The following SSX2IP variants were observed in gnomAD, a reference collection of about 807,000 sequenced individuals.
SSX2IP encodes the protein SSX family member 2 interacting protein, also known as afadin- and alpha-actinin-binding protein.
In SSX2IP, 55 loss-of-function variants were observed where a neutral mutation model predicts 84.9. The ratio of observed to expected loss-of-function variants is 0.65; its 90% CI spans 0.52 to 0.81. SSX2IP has a LOEUF of 0.81. Ranked by LOEUF, SSX2IP falls within the 30% of genes least tolerant of loss-of-function variation. SSX2IP has a pLI of 0.00. For missense variants in SSX2IP, 664 were observed against 705.2 expected (o/e 0.94, Z 0.66); for synonymous variants, 239 against 234.7 (o/e 1.02, Z -0.17).
chr1:84,654,590 T>A (rs947049435), intron 11 of SSX2IP, among the ~76,000 whole-genome samples: 4 of 152,018 alleles, frequency 2.6e-5, no homozygotes, highest in Admixed American at 2.6e-4. Flanking sequence ...ATGAGCAACA[T>A]GGCAGCTGAA....
chr1:84,685,962 G>C (rs1022674296), intron 1 of SSX2IP, among the ~76,000 whole-genome samples: 3 of 152,166 alleles, frequency 2.0e-5, no homozygotes, highest in Non-Finnish European at 4.4e-5. Context: ...TGAATTTTAA[G>C]TATCTACTTT....
chr1:84,667,084 T>C (rs1403648326), intron 4 of SSX2IP, among the ~76,000 whole-genome samples: 1 of 152,090 alleles, frequency 6.6e-6, no homozygotes, highest in African/African-American at 2.4e-5. Flanking sequence ...TAAAACTTAC[T>C]ACTAGGGTAG....
At position 84,650,460 on chromosome 1, in the gene SSX2IP, A is replaced by G. The variant is rs1650054780; in HGVS notation, c.1572T>C (p.Asn524=). 12 of 1,614,100 alleles carry G rather than the reference A, an allele frequency of 7.4e-6. No individual in the cohort carries two copies. Among genetic ancestry groups the G allele is most frequent in the South Asian group, 1.1e-5 (1 of 91,096 alleles). The change falls in exon 13 of 14, where the codon AAT becomes AAC. Residue 524 remains asparagine (N), a synonymous_variant. Coordinates refer to ENST00000342203, the MANE Select transcript of SSX2IP (RefSeq NM_001166293.2). ...GTTTAGACATGCAAACTGGAGACCC[A>G]TTAGACACACTGTGAGGCTTCTTTT... ...QPQKKPHSVS[N]GSPVCMSKLT... is the part of the protein sequence containing the mutation.
At chr1:84,651,588 C>A (rs966377138) in intron 12 of SSX2IP, among the ~76,000 whole-genome samples, 1 of 151,466 alleles carries the variant, frequency 6.6e-6, no homozygotes, top group Non-Finnish European at 1.5e-5. Context: ...ATTAGCCAGG[C>A]GTGGTGGCAC....
chr1:84,669,917 A>G, intron 3 of SSX2IP, 24 bp from the exon 4 acceptor site: 3 of 1,589,212 alleles, frequency 1.9e-6, no homozygotes, highest in Non-Finnish European at 2.6e-6. Context: ...ATGTTTTCTT[A>G]AAGTTGGTTA....
chr1:84,684,790 A>G (rs1655559266), intron 1 of SSX2IP, among the ~76,000 whole-genome samples: 1 of 152,224 alleles, frequency 6.6e-6, no homozygotes, highest in Non-Finnish European at 1.5e-5. Flanking sequence ...AGTAATCAGA[A>G]AACTTCAGTG....
intron 1 of SSX2IP, among the ~76,000 whole-genome samples, chr1:84,676,718 C>CTTTTT (rs1491577246): frequency 1.1e-4 from 4 of 36,720 alleles, no homozygotes; most frequent in African/African-American, 3.0e-4. Context: ...GTGCTCTTTT[C>CTTTTT]CTTTTTTTTT....
intron 12 of SSX2IP, 56 bp from the exon 13 acceptor site, chr1:84,650,583 A>C: frequency 1.9e-6 from 3 of 1,578,784 alleles, no homozygotes; most frequent in Non-Finnish European, 2.6e-6. Flanking sequence ...CATTAAATAT[A>C]GTGAAGGTAA....
intron 1 of SSX2IP, among the ~76,000 whole-genome samples, chr1:84,679,693 T>C (rs1008454894): frequency 6.6e-6 from 1 of 152,026 alleles, no homozygotes. Context: ...TTTAACAGAG[T>C]AAGAGGTGGA....
chr1:84,659,661 G>C (rs12045905), intron 8 of SSX2IP, among the ~76,000 whole-genome samples: 26,057 of 151,660 alleles, frequency 0.17, 2,377 homozygotes, highest in Middle Eastern at 0.26. Flanking sequence ...AGTTGGGCGT[G>C]GTGGTGCATG....
At chr1:84,653,394 G>A (rs149892799) in intron 11 of SSX2IP, among the ~76,000 whole-genome samples, 329 of 152,216 alleles carry the variant, frequency 2.2e-3, no homozygotes, top group Middle Eastern at 0.014. Flanking sequence ...TCCCCCTTCT[G>A]AATAGCTGAT....
At chr1:84,669,301 G>A (rs1273012087) in intron 4 of SSX2IP, among the ~76,000 whole-genome samples, 1 of 151,966 alleles carries the variant, frequency 6.6e-6, no homozygotes, top group Non-Finnish European at 1.5e-5. Flanking sequence ...TGGCATCACA[G>A]ATGCCTCAAT....
At chr1:84,684,441 T>G (rs1442226375) in intron 1 of SSX2IP, among the ~76,000 whole-genome samples, 1 of 152,230 alleles carries the variant, frequency 6.6e-6, no homozygotes. Flanking sequence ...GATGTAAAAG[T>G]GTTCCAAAGC....
Position 84,645,925 on chromosome 1 carries a change from A to G in SSX2IP, c.*1508T>C, listed in dbSNP as rs1479155438. Reference sequence around the variant, plus strand: ...ATGAGTATATCCACTAATGTCTCATAAGACACTCTTAATGATATCCTATCA... The same window carrying G: ...ATGAGTATATCCACTAATGTCTCATGAGACACTCTTAATGATATCCTATCA... On this transcript the variant is annotated 3_prime_UTR_variant, in exon 14 of 14. Transcript: ENST00000342203. 1 of 152,224 alleles carries G rather than the reference A, an allele frequency of 6.6e-6. No individual in the cohort carries two copies. The highest frequency in any genetic ancestry group is 1.5e-5 in the Non-Finnish European group (1 of 68,042). The allele number at this position is 152,224 out of a possible 1,614,324, so 9.4% of individuals were successfully genotyped here. A position where few individuals can be genotyped will look rare whatever the true frequency, so the allele number is the denominator to read the frequency against.
intron 1 of SSX2IP, among the ~76,000 whole-genome samples, chr1:84,677,350 G>GT (rs1654499570): frequency 6.6e-6 from 1 of 152,106 alleles, no homozygotes; most frequent in Non-Finnish European, 1.5e-5. Flanking sequence ...AAAACATCTT[G>GT]TTTTTTCTGG....
chr1:84,672,547 C>G (rs1042585992), intron 1 of SSX2IP, among the ~76,000 whole-genome samples: 1 of 152,054 alleles, frequency 6.6e-6, no homozygotes, highest in African/African-American at 2.4e-5. Context: ...CACACAAGAT[C>G]AGTTCATCAA....
At chr1:84,678,591 C>T (rs1463021416) in intron 1 of SSX2IP, among the ~76,000 whole-genome samples, 2 of 152,168 alleles carry the variant, frequency 1.3e-5, no homozygotes, top group African/African-American at 4.8e-5. Flanking sequence ...TCAATGAATA[C>T]TCAAATAACT....
At chr1:84,685,171 CCAGT>C (rs764543608) in intron 1 of SSX2IP, among the ~76,000 whole-genome samples, 5 of 152,268 alleles carry the variant, frequency 3.3e-5, no homozygotes, top group Non-Finnish European at 4.4e-5. Context: ...TAAATTCTAC[CCAGT>C]CAGTTTGGCT....
At chr1:84,670,398 C>A in intron 3 of SSX2IP, 1 of 261,100 alleles carries the variant, frequency 3.8e-6, no homozygotes, top group Non-Finnish European at 7.2e-6. Flanking sequence ...GTTTCTGCAT[C>A]CATAAAGTGA....
Sources: gnomAD v4.1 joint callset for allele counts (sites outside exome capture counted in the v4.1 genomes callset) on GRCh38, gnomAD v4.1.1 for gene constraint, MANE v1.5 for transcripts, NCBI Gene and HGNC (gene_info 2026-07-23, HGNC 2026-07-21) for gene names.